The following PRKG1 variants were observed in gnomAD, a reference collection of about 807,000 sequenced individuals.
PRKG1 encodes the protein protein kinase cGMP-dependent 1, also known as cGMP-dependent protein kinase 1.
Under a neutral mutation model 88.1 loss-of-function variants are expected in PRKG1, and 35 were observed. The ratio of observed to expected loss-of-function variants is 0.40; its 90% CI spans 0.30 to 0.53. The LOEUF is 0.53. Ranked by LOEUF, PRKG1 falls within the 20% of genes least tolerant of loss-of-function variation. The pLI, the probability that PRKG1 is intolerant of heterozygous loss-of-function variation, is 0.59. For synonymous variants in PRKG1, 303 were observed against 292.5 expected (o/e 1.04, Z -0.37); for missense variants, 540 against 839.8 (o/e 0.64, Z 4.41).
rs144249856 is a variant in PRKG1 at position 51,778,179 on chromosome 10, T to C, written c.593-26406T>C. Among the ~76,000 whole-genome samples, 1,077 of 152,276 alleles carry C rather than the reference T, an allele frequency of 7.1e-3. 15 individuals are homozygous for C. Among genetic ancestry groups the C allele is most frequent in the African/African-American group, 0.022 (912 of 41,558 alleles). The stretch of plus-strand genomic sequence containing the variant: ...CCCCATGGTTCTGCCTCAACAGATA[T>C]ATAATCTGGAATGTGCCACATTTTG... On this transcript the variant is annotated intron_variant, in intron 3 of 17. Transcript: ENST00000373980.
intron 2 of PRKG1, among the ~76,000 whole-genome samples, chr10:51,174,393 T>C: frequency 6.6e-6 from 1 of 152,014 alleles, no homozygotes; most frequent in African/African-American, 2.4e-5. Context: ...GCATGGTAAA[T>C]CCAAATATTT....
intron 7 of PRKG1, among the ~76,000 whole-genome samples, chr10:52,117,701 A>G (rs960450640): frequency 1.3e-5 from 2 of 152,092 alleles, no homozygotes; most frequent in African/African-American, 4.8e-5. Context: ...AAAAGCTACA[A>G]TAATAACTAT....
chr10:52,244,431 C>A (rs1044812059), intron 9 of PRKG1, among the ~76,000 whole-genome samples: 1 of 151,608 alleles, frequency 6.6e-6, no homozygotes, highest in African/African-American at 2.4e-5. Context: ...AGAATCTACC[C>A]ATTTTTATTT....
intron 3 of PRKG1, among the ~76,000 whole-genome samples, chr10:51,484,040 A>G (rs532237486): frequency 8.5e-5 from 13 of 152,296 alleles, no homozygotes; most frequent in Admixed American, 6.5e-4. Flanking sequence ...ATCTGATTCT[A>G]CTAGTGACTC....
At chr10:51,328,884 T>C (rs2132523975) in intron 2 of PRKG1, among the ~76,000 whole-genome samples, 1 of 152,246 alleles carries the variant, frequency 6.6e-6, no homozygotes. Context: ...TTTATTTGTT[T>C]TTTATTTCAG....
At chr10:52,160,890 T>G (rs1174909181) in intron 8 of PRKG1, among the ~76,000 whole-genome samples, 4 of 152,086 alleles carry the variant, frequency 2.6e-5, no homozygotes, top group Non-Finnish European at 5.9e-5. Context: ...TTAACTTTTA[T>G]TTTGAAAAAC....
chr10:52,105,240 G>T (rs1197443881), intron 7 of PRKG1, among the ~76,000 whole-genome samples: 1 of 151,874 alleles, frequency 6.6e-6, no homozygotes, highest in South Asian at 2.1e-4. Context: ...GGTCCAAATT[G>T]TCTCCAGTTC....
At chr10:51,290,213 C>G (rs1243926022) in intron 2 of PRKG1, among the ~76,000 whole-genome samples, 2 of 151,886 alleles carry the variant, frequency 1.3e-5, no homozygotes, top group Admixed American at 1.3e-4. Context: ...GCACTGCAGC[C>G]TGGAACACAG....
chr10:51,529,893 A>G (rs1841976811), intron 3 of PRKG1, among the ~76,000 whole-genome samples: 1 of 152,200 alleles, frequency 6.6e-6, no homozygotes, highest in Non-Finnish European at 1.5e-5. Flanking sequence ...TTCCAATCTA[A>G]TGACATTATG....
chr10:52,293,467 C>A (rs1564549375), intron 17 of PRKG1, among the ~76,000 whole-genome samples: 2 of 152,064 alleles, frequency 1.3e-5, no homozygotes, highest in African/African-American at 4.8e-5. Context: ...AATCCTGAGC[C>A]AAAGAACAAA....
intron 5 of PRKG1, among the ~76,000 whole-genome samples, chr10:51,951,153 G>A (rs988534518): frequency 6.6e-6 from 1 of 152,206 alleles, no homozygotes; most frequent in Non-Finnish European, 1.5e-5. Flanking sequence ...CAGCAGTTGG[G>A]TTTTTCAGCC....
chr10:51,158,627 G>A (rs769742620), intron 2 of PRKG1, among the ~76,000 whole-genome samples: 1 of 151,792 alleles, frequency 6.6e-6, no homozygotes, highest in Non-Finnish European at 1.5e-5. Context: ...AGATCATCTG[G>A]CATCCATTCC....
intron 4 of PRKG1, among the ~76,000 whole-genome samples, chr10:51,826,463 A>G (rs998951466): frequency 2.0e-5 from 3 of 152,194 alleles, no homozygotes; most frequent in Non-Finnish European, 4.4e-5. Context: ...GAAGTGCTGG[A>G]GGACTAAGTT....
At chr10:51,646,739 T>C (rs575648276) in intron 3 of PRKG1, among the ~76,000 whole-genome samples, 1 of 151,822 alleles carries the variant, frequency 6.6e-6, no homozygotes, top group Admixed American at 6.6e-5. Flanking sequence ...AAAAACAGTA[T>C]AAATTTAAAA....
At chr10:51,048,229 TTCTG>T (rs758932022) in intron 1 of PRKG1, among the ~76,000 whole-genome samples, 17 of 152,224 alleles carry the variant, frequency 1.1e-4, no homozygotes, top group South Asian at 4.2e-4. Context: ...CTTCCTGTCT[TTCTG>T]TCTGTCTCTC....
At chr10:51,536,331 T>A (rs1842151037) in intron 3 of PRKG1, among the ~76,000 whole-genome samples, 1 of 152,218 alleles carries the variant, frequency 6.6e-6, no homozygotes, top group African/African-American at 2.4e-5. Flanking sequence ...GTTAGCCATT[T>A]GTATGTCTTA....
intron 7 of PRKG1, among the ~76,000 whole-genome samples, chr10:52,066,242 C>A (rs1160578971): frequency 5.9e-5 from 9 of 152,036 alleles, no homozygotes; most frequent in Non-Finnish European, 1.3e-4. Flanking sequence ...CCTTCGGGAC[C>A]CTTTAAATTA....
At chr10:51,359,384 T>G (rs1842431708) in intron 2 of PRKG1, among the ~76,000 whole-genome samples, 1 of 151,802 alleles carries the variant, frequency 6.6e-6, no homozygotes, top group Non-Finnish European at 1.5e-5. Flanking sequence ...TAGAGATACA[T>G]AGATTACCTG....
At chr10:52,215,722 C>T (rs968328408) in intron 9 of PRKG1, among the ~76,000 whole-genome samples, 1 of 152,072 alleles carries the variant, frequency 6.6e-6, no homozygotes, top group African/African-American at 2.4e-5. Flanking sequence ...TATTAATATA[C>T]ATTTTTATAA....
Sources: gnomAD v4.1 joint callset for allele counts (sites outside exome capture counted in the v4.1 genomes callset) on GRCh38, gnomAD v4.1.1 for gene constraint, MANE v1.5 for transcripts, NCBI Gene and HGNC (gene_info 2026-07-23, HGNC 2026-07-21) for gene names.